Variants in EPM2A observed in about 807,000 individuals in gnomAD.
EPM2A encodes EPM2A glucan phosphatase, laforin.
A neutral mutation model predicts 26.5 loss-of-function variants in EPM2A; 21 were observed. The observed-to-expected ratio is 0.79, with a 90% CI of 0.56 to 1.14. The LOEUF (loss-of-function observed/expected upper bound fraction) is 1.14, where lower values mean the gene tolerates loss of function less well. Among genes scored for constraint, EPM2A ranks in the 50% most tolerant of loss-of-function variants. EPM2A has a pLI of 0.00. For synonymous variants in EPM2A, 217 were observed against 177.6 expected (o/e 1.22, Z -1.76); for missense variants, 458 against 440.8 (o/e 1.04, Z -0.35).
chr6:145,707,680 AG>A (rs1782301970), intron 1 of EPM2A, among the ~76,000 whole-genome samples: 2 of 152,172 alleles, frequency 1.3e-5, no homozygotes, highest in African/African-American at 4.8e-5. Flanking sequence ...CATGATTGTG[AG>A]GCGTCCTCAG....
At chr6:145,456,774 G>A (rs9497311) in intron 4 of EPM2A, among the ~76,000 whole-genome samples, 120,655 of 152,094 alleles carry the variant, frequency 0.79, 48,063 homozygotes, top group East Asian at 0.9. Flanking sequence ...GAAAACAAGA[G>A]CAAATAAATA....
At chr6:145,471,769 C>T (rs1174478494) in intron 4 of EPM2A, among the ~76,000 whole-genome samples, 1 of 152,112 alleles carries the variant, frequency 6.6e-6, no homozygotes, top group Non-Finnish European at 1.5e-5. Context: ...ACAAACCTCA[C>T]CACCTAGGGC....
chr6:145,691,272 T>C (rs777891452), intron 1 of EPM2A, among the ~76,000 whole-genome samples: 4 of 151,598 alleles, frequency 2.6e-5, no homozygotes, highest in Admixed American at 6.6e-5. Context: ...AAAACAGCAA[T>C]GTAAAGGAAA....
chr6:145,689,530 T>A (rs1256232486), intron 1 of EPM2A, among the ~76,000 whole-genome samples: 1 of 152,138 alleles, frequency 6.6e-6, no homozygotes, highest in Admixed American at 6.5e-5. Flanking sequence ...GCCTTATATA[T>A]CCCAGACTTA....
At chr6:145,479,563 A>T (rs1226064417) in intron 4 of EPM2A, among the ~76,000 whole-genome samples, 1 of 151,886 alleles carries the variant, frequency 6.6e-6, no homozygotes, top group East Asian at 1.9e-4. Context: ...CACTTAGTAC[A>T]ATGTTTTCAA....
chr6:145,635,269 G>C lies in EPM2A; in HGVS notation c.694C>G (p.Pro232Ala). The change falls in exon 3 of 4, where the codon CCA (proline) becomes GCA (alanine). Residue 232 changes from proline to alanine, a missense_variant. Physicochemically the swap from Pro to Ala is conservative, Grantham distance 27. Coordinates refer to ENST00000367519, the MANE Select transcript of EPM2A (RefSeq NM_005670.4). ...CCTTCGGTGCTCATATCTGGTGTTGGCATCCAGATGTAGGCCAAGCCTTCT... is the reference window on the plus strand; with the variant it reads ...CCTTCGGTGCTCATATCTGGTGTTGCCATCCAGATGTAGGCCAAGCCTTCT... ...REEGLAYIWM[P>A]TPDMSTEGRV... 1 of 1,614,036 alleles carries C rather than the reference G, an allele frequency of 6.2e-7. No homozygotes were observed. The highest frequency in any genetic ancestry group is 8.5e-7 in the Non-Finnish European group (1 of 1,179,912).
At chr6:145,392,607 T>C (rs541902073) in intron 4 of EPM2A, among the ~76,000 whole-genome samples, 1 of 152,242 alleles carries the variant, frequency 6.6e-6, no homozygotes, top group East Asian at 1.9e-4. Context: ...CACCAGGCAG[T>C]AGAGTCATTC....
At chr6:145,465,775 G>A (rs909771354) in intron 4 of EPM2A, among the ~76,000 whole-genome samples, 1 of 152,004 alleles carries the variant, frequency 6.6e-6, no homozygotes, top group Admixed American at 6.6e-5. Context: ...GCATGGTACT[G>A]GTACCAAAAC....
At chr6:145,502,160 C>A (rs1159774723) in intron 3 of EPM2A, among the ~76,000 whole-genome samples, 1 of 152,102 alleles carries the variant, frequency 6.6e-6, no homozygotes, top group Non-Finnish European at 1.5e-5. Flanking sequence ...CATAGCTAAA[C>A]CTTTGGAAGT....
chr6:145,723,292 T>C (rs868783476), intron 1 of EPM2A, among the ~76,000 whole-genome samples: 17 of 152,244 alleles, frequency 1.1e-4, no homozygotes, highest in Admixed American at 7.2e-4. Flanking sequence ...ACCCAGAGTA[T>C]CACTGAGTGG....
intron 4 of EPM2A, among the ~76,000 whole-genome samples, chr6:145,471,004 C>T (rs999933115): frequency 1.3e-5 from 2 of 152,154 alleles, no homozygotes; most frequent in Admixed American, 6.5e-5. Context: ...CTCCACACCG[C>T]TCTCTTCCTC....
At chr6:145,398,251 A>ATTTGTTT (rs1445712866) in intron 4 of EPM2A, among the ~76,000 whole-genome samples, 6 of 152,064 alleles carry the variant, frequency 3.9e-5, no homozygotes, top group African/African-American at 1.4e-4. Flanking sequence ...GGGCATGGTT[A>ATTTGTTT]TTTGTTTTCT....
At chr6:145,404,068 GA>G (rs1230889280) in intron 4 of EPM2A, among the ~76,000 whole-genome samples, 1 of 152,092 alleles carries the variant, frequency 6.6e-6, no homozygotes, top group Non-Finnish European at 1.5e-5. Context: ...GTCTTCTTGT[GA>G]GAAGTGCCTA....
chr6:145,662,712 C>G (rs1562457659), intron 2 of EPM2A, among the ~76,000 whole-genome samples: 2 of 152,134 alleles, frequency 1.3e-5, no homozygotes, highest in East Asian at 3.9e-4. Context: ...TCACTAAAGT[C>G]ATGTCAGGGG....
At chr6:145,542,828 G>A (rs918430038) in intron 2 of EPM2A, among the ~76,000 whole-genome samples, 6 of 152,016 alleles carry the variant, frequency 3.9e-5, no homozygotes, top group African/African-American at 9.7e-5. Flanking sequence ...GTGCAATCTC[G>A]GCTCACCGCA....
chr6:145,505,602 G>T (rs559279292), intron 2 of EPM2A, among the ~76,000 whole-genome samples: 11 of 151,974 alleles, frequency 7.2e-5, no homozygotes, highest in Admixed American at 1.3e-4. Context: ...GTAACTTCCT[G>T]TAAAACAAAA....
At chr6:145,660,758 C>T (rs549453234) in intron 2 of EPM2A, among the ~76,000 whole-genome samples, 95 of 152,172 alleles carry the variant, frequency 6.2e-4, no homozygotes, top group Admixed American at 1.1e-3. Flanking sequence ...GCCAAGATCA[C>T]GCCACTCCAC....
At chr6:145,524,815 T>G (rs1780248840) in intron 2 of EPM2A, among the ~76,000 whole-genome samples, 1 of 152,194 alleles carries the variant, frequency 6.6e-6, no homozygotes, top group Non-Finnish European at 1.5e-5. Flanking sequence ...GCAGTTGTTT[T>G]TTATAATTTA....
In EPM2A at chr6:145,687,412, G is replaced by A. The variant is rs999184485; in HGVS notation, c.302-1116C>T. ...GTTCATAAGCTAACCAATATATGGT[G>A]TTTTGTTTATAGCAGCTCAAATGGT... On this transcript the variant is annotated intron_variant, in intron 1 of 3. Coordinates refer to ENST00000367519, the MANE Select transcript of EPM2A (RefSeq NM_005670.4). Among the ~76,000 whole-genome samples, 4 of 151,988 alleles carry A rather than the reference G, an allele frequency of 2.6e-5. 1 individual carries two copies. Among genetic ancestry groups the A allele is most frequent in the African/African-American group, 9.7e-5 (4 of 41,370 alleles).
Sources: allele counts gnomAD v4.1 joint callset (sites outside exome capture counted in the v4.1 genomes callset), GRCh38; gene constraint gnomAD v4.1.1; transcripts MANE v1.5; gene names NCBI Gene and HGNC (gene_info 2026-07-23, HGNC 2026-07-21).